F13A1: variants seen among roughly 807,000 people sequenced by gnomAD.
The protein encoded by F13A1 is coagulation factor XIII A chain.
F13A1 carries 47 observed loss-of-function variants against 80.1 expected under a neutral mutation model. That is an observed-to-expected ratio of 0.59 (90% CI 0.46 to 0.75). F13A1 has a LOEUF of 0.75. Ranked by LOEUF, F13A1 falls within the 30% of genes least tolerant of loss-of-function variation. F13A1 has a pLI of 0.00. For synonymous variants in F13A1, 349 were observed against 344.9 expected (o/e 1.01, Z -0.13); for missense variants, 817 against 930.4 (o/e 0.88, Z 1.59).
At chr6:6,178,677 A>G (rs1760927428) in intron 11 of F13A1, among the ~76,000 whole-genome samples, 2 of 152,202 alleles carry the variant, frequency 1.3e-5, no homozygotes, top group South Asian at 4.1e-4. Context: ...ATAGATGCCT[A>G]GAATGAAATG....
rs751527400 is a variant in F13A1 at position 6,318,551 on chromosome 6, C to T, written c.114G>A (p.Arg38=). 2 of 1,613,438 alleles carry T rather than the reference C, an allele frequency of 1.2e-6. No individual in the cohort carries two copies. The highest frequency in any genetic ancestry group is 1.1e-5 in the South Asian group (1 of 90,954). The change falls in exon 2 of 15, where the codon CGG becomes CGA. Residue 38 remains arginine (R), a synonymous_variant. Coordinates refer to ENST00000264870, the MANE Select transcript of F13A1 (RefSeq NM_000129.4). The part of the protein sequence containing the change: ...PTVELQGVVP[R]GVNLQEFLNV... ...TGCTCATACCTTGCAGGTTGACGCC[C>T]CGGGGCACCACGCCCTGAAGCTCCA...
intron 2 of F13A1, among the ~76,000 whole-genome samples, chr6:6,308,491 T>C (rs959069004): frequency 6.6e-6 from 1 of 151,982 alleles, no homozygotes; most frequent in Non-Finnish European, 1.5e-5. Context: ...CATTACATCT[T>C]TTAAAATAAA....
At chr6:6,157,434 C>T (rs1760495912) in intron 13 of F13A1, among the ~76,000 whole-genome samples, 1 of 150,442 alleles carries the variant, frequency 6.6e-6, no homozygotes, top group African/African-American at 2.4e-5. Flanking sequence ...AAAATAGAAA[C>T]TTTTTTTTTT....
chr6:6,273,434 G>A (rs949209511), intron 3 of F13A1, among the ~76,000 whole-genome samples: 1 of 152,108 alleles, frequency 6.6e-6, no homozygotes, highest in East Asian at 1.9e-4. Flanking sequence ...TCACAAGAAA[G>A]AAACTTTTTT....
At chr6:6,234,523 C>T (rs1757391565) in intron 6 of F13A1, among the ~76,000 whole-genome samples, 1 of 151,856 alleles carries the variant, frequency 6.6e-6, no homozygotes. Context: ...AGTTAAGCAT[C>T]TTTGGGATTT....
At chr6:6,175,544 C>T (rs1018949461) in intron 11 of F13A1, among the ~76,000 whole-genome samples, 1 of 152,226 alleles carries the variant, frequency 6.6e-6, no homozygotes, top group Admixed American at 6.5e-5. Context: ...CGACCCTGCC[C>T]AAGGTGCTCC....
At chr6:6,269,168 C>T (rs996466053) in intron 3 of F13A1, among the ~76,000 whole-genome samples, 1 of 152,186 alleles carries the variant, frequency 6.6e-6, no homozygotes, top group African/African-American at 2.4e-5. Flanking sequence ...TCAGCTGGCT[C>T]TAACACTTCT....
chr6:6,213,053 T>C (rs936581753), intron 8 of F13A1, among the ~76,000 whole-genome samples: 10 of 152,300 alleles, frequency 6.6e-5, no homozygotes, highest in African/African-American at 1.9e-4. Flanking sequence ...CTACGTCTGA[T>C]TGGTGTACCT....
intron 10 of F13A1, among the ~76,000 whole-genome samples, chr6:6,190,924 T>A (rs1346439343): frequency 1.3e-5 from 2 of 151,796 alleles, no homozygotes; most frequent in Admixed American, 1.3e-4. Flanking sequence ...TATAATCTCG[T>A]GGTGCGCCGT....
intron 12 of F13A1, among the ~76,000 whole-genome samples, chr6:6,169,907 A>G (rs1404207893): frequency 6.6e-6 from 1 of 152,200 alleles, no homozygotes; most frequent in Non-Finnish European, 1.5e-5. Context: ...TTCCATTTAG[A>G]GCTGACTCTT....
At chr6:6,195,297 A>C (rs1338423686) in intron 10 of F13A1, among the ~76,000 whole-genome samples, 1 of 151,946 alleles carries the variant, frequency 6.6e-6, no homozygotes, top group Non-Finnish European at 1.5e-5. Context: ...TGGCAACTCA[A>C]CCCTCCCTCC....
chr6:6,300,668 A>T (rs113762324), intron 3 of F13A1, among the ~76,000 whole-genome samples: 3 of 152,180 alleles, frequency 2.0e-5, no homozygotes, highest in African/African-American at 7.2e-5. Flanking sequence ...GATGAACCCC[A>T]TACCTCAGAT....
At chr6:6,249,210 AACC>A (rs1757596605) in intron 5 of F13A1, among the ~76,000 whole-genome samples, 1 of 152,238 alleles carries the variant, frequency 6.6e-6, no homozygotes, top group Non-Finnish European at 1.5e-5. Context: ...TTGTGACAGA[AACC>A]ACAATCATAA....
Position 6,268,937 on chromosome 6 carries a change from C to G in F13A1, c.320-2128G>C, listed in dbSNP as rs199957516. Among the ~76,000 whole-genome samples, 128 of 151,020 alleles carry G rather than the reference C, an allele frequency of 8.5e-4. 1 individual carries two copies. In the East Asian group the frequency reaches 0.014, roughly 17 times the overall value. Reference sequence around the variant, plus strand: ...ACTCCTGACCTCAGGTGTTCCCCCCCGCCTCAGCCTCCCAAAGTACTGGGA... The same window carrying G: ...ACTCCTGACCTCAGGTGTTCCCCCCGGCCTCAGCCTCCCAAAGTACTGGGA... On this transcript the variant is annotated intron_variant, in intron 3 of 14. Coordinates refer to ENST00000264870, the MANE Select transcript of F13A1 (RefSeq NM_000129.4).
At chr6:6,226,305 C>T (rs1189126470) in intron 6 of F13A1, among the ~76,000 whole-genome samples, 5 of 152,154 alleles carry the variant, frequency 3.3e-5, no homozygotes, top group African/African-American at 1.2e-4. Flanking sequence ...TATTGGCATT[C>T]CCTGGGAGCT....
intron 3 of F13A1, among the ~76,000 whole-genome samples, chr6:6,289,106 T>G (rs1158303876): frequency 6.6e-6 from 1 of 152,196 alleles, no homozygotes; most frequent in Non-Finnish European, 1.5e-5. Context: ...CTATACATTA[T>G]CTCCTTTAAC....
chr6:6,297,474 G>A (rs1447930842), intron 3 of F13A1, among the ~76,000 whole-genome samples: 1 of 151,236 alleles, frequency 6.6e-6, no homozygotes, highest in South Asian at 2.1e-4. Context: ...GTTTAGTCTT[G>A]GGAGAGTGTA....
At chr6:6,213,981 A>C (rs1418489297) in intron 8 of F13A1, among the ~76,000 whole-genome samples, 12 of 121,568 alleles carry the variant, frequency 9.9e-5, no homozygotes, top group South Asian at 3.0e-4. Flanking sequence ...AGAGCTAACT[A>C]TCCTAAATAT....
chr6:6,149,558 C>T (rs1684916751), intron 14 of F13A1, among the ~76,000 whole-genome samples: 1 of 152,170 alleles, frequency 6.6e-6, no homozygotes, highest in Non-Finnish European at 1.5e-5. Context: ...AGAGAACTTG[C>T]CCTCCCTCTC....
Sources: allele counts gnomAD v4.1 joint callset (sites outside exome capture counted in the v4.1 genomes callset), GRCh38; gene constraint gnomAD v4.1.1; transcripts MANE v1.5; gene names NCBI Gene and HGNC (gene_info 2026-07-23, HGNC 2026-07-21).